Variants in DCAF6 observed in about 807,000 individuals in gnomAD.
DCAF6 encodes DDB1- and CUL4-associated factor 6.
Under a neutral mutation model 125.1 loss-of-function variants are expected in DCAF6, and 54 were observed. That is an observed-to-expected ratio of 0.43 (90% CI 0.35 to 0.54). DCAF6 has a LOEUF of 0.54. Among genes scored for constraint, DCAF6 ranks in the 20% least tolerant of loss-of-function variants. The pLI, the probability that DCAF6 is intolerant of heterozygous loss-of-function variation, is 0.01. For synonymous variants in DCAF6, 371 were observed against 390.4 expected, an observed-to-expected ratio of 0.95 and a Z score of 0.58; for missense variants, 934 against 1,161.7, an observed-to-expected ratio of 0.80 and a Z score of 2.85.
chr1:168,054,545 A>C (rs937466569), intron 17 of DCAF6, among the ~76,000 whole-genome samples: 1 of 152,222 alleles, frequency 6.6e-6, no homozygotes, highest in Non-Finnish European at 1.5e-5. Flanking sequence ...ACCATAGCAC[A>C]TAGCTTTTAC....
chr1:167,905,052 G>C, the DCAF6 span: 1 of 1,614,214 alleles, frequency 6.2e-7, no homozygotes, highest in Non-Finnish European at 8.5e-7. Context: ...TCGCTCTGGG[G>C]AGAAATGTCC....
chr1:167,959,977 G>A (rs1675322413), intron 2 of DCAF6, among the ~76,000 whole-genome samples: 2 of 151,944 alleles, frequency 1.3e-5, no homozygotes, highest in South Asian at 4.2e-4. Context: ...TCTTCTCAGA[G>A]GTTTATAGTT....
chr1:168,031,724 A>G (rs533896525), intron 12 of DCAF6, among the ~76,000 whole-genome samples: 2 of 152,080 alleles, frequency 1.3e-5, no homozygotes, highest in Admixed American at 6.5e-5. Flanking sequence ...GTAAAGGAGA[A>G]TATACCTGAG....
chr1:167,881,474 G>A, the DCAF6 span, among the ~76,000 whole-genome samples: 10 of 152,316 alleles, frequency 6.6e-5, no homozygotes, highest in Middle Eastern at 3.4e-3. Context: ...GATCTGCCTT[G>A]ACATGAAGGG....
At chr1:167,906,378 G>A in the DCAF6 span, among the ~76,000 whole-genome samples, 1 of 151,476 alleles carries the variant, frequency 6.6e-6, no homozygotes, top group African/African-American at 2.4e-5. Flanking sequence ...AAAAAAAAAG[G>A]GTAGCATTAA....
chr1:167,922,889 G>A, the DCAF6 span, among the ~76,000 whole-genome samples: 2 of 152,038 alleles, frequency 1.3e-5, no homozygotes, highest in Non-Finnish European at 2.9e-5. Context: ...ACAGGCAAAG[G>A]ACTTGAATAA....
At chr1:167,914,308 G>C in the DCAF6 span, 12 of 152,152 alleles carry the variant, frequency 7.9e-5, no homozygotes, top group Non-Finnish European at 2.9e-5. Flanking sequence ...TTGAGGCAAG[G>C]GTCAGGGGAG....
the DCAF6 span, among the ~76,000 whole-genome samples, chr1:167,924,279 T>C: frequency 2.6e-3 from 390 of 152,302 alleles, 2 homozygotes; most frequent in African/African-American, 8.5e-3. Context: ...ATAACAAGTA[T>C]GTTCCCAGAA....
the DCAF6 span, among the ~76,000 whole-genome samples, chr1:167,877,694 A>T: frequency 6.6e-6 from 1 of 152,322 alleles, no homozygotes; most frequent in Middle Eastern, 3.4e-3. Flanking sequence ...TATAGGAGGA[A>T]AAAAGGAAGA....
the DCAF6 span, among the ~76,000 whole-genome samples, chr1:167,911,469 T>G: frequency 1.3e-5 from 2 of 152,218 alleles, no homozygotes; most frequent in Admixed American, 1.3e-4. Flanking sequence ...TTTAAAAGTA[T>G]TTTTACTTTT....
At chr1:167,985,065 A>G (rs1679752117) in intron 4 of DCAF6, among the ~76,000 whole-genome samples, 2 of 152,174 alleles carry the variant, frequency 1.3e-5, no homozygotes, top group African/African-American at 2.4e-5. Flanking sequence ...CTTATGCACC[A>G]TCACAAGAAC....
intron 16 of DCAF6, among the ~76,000 whole-genome samples, chr1:168,049,427 TGTTG>T (rs796769231): frequency 3.8e-4 from 33 of 87,590 alleles, no homozygotes; most frequent in African/African-American, 1.8e-3. Flanking sequence ...TTGTTGTTGT[TGTTG>T]TTTTTTTTTT....
At chr1:167,947,639 G>A (rs1349876097) in intron 1 of DCAF6, among the ~76,000 whole-genome samples, 1 of 151,958 alleles carries the variant, frequency 6.6e-6, no homozygotes, top group Non-Finnish European at 1.5e-5. Flanking sequence ...TGTCATTCAG[G>A]AGCATGTTGT....
At chr1:167,985,744 A>C (rs546055090) in intron 4 of DCAF6, among the ~76,000 whole-genome samples, 2 of 152,276 alleles carry the variant, frequency 1.3e-5, no homozygotes, top group South Asian at 2.1e-4. Flanking sequence ...TTTCCAAGTA[A>C]ATTTTTAAAA....
rs1212983806 is a variant in DCAF6 at position 168,023,056 on chromosome 1, A to C, written c.1609+9A>C. On this transcript the variant is annotated intron_variant, in intron 12 of 21. Coordinates refer to ENST00000367840, the MANE Select transcript of DCAF6 (RefSeq NM_001198956.2). Reference sequence around the variant, plus strand: ...ACTTGACGAGCAACAGGGTGCGTGCAACAGGAGATGCGCTATGCCCATCCA... The same window carrying C: ...ACTTGACGAGCAACAGGGTGCGTGCCACAGGAGATGCGCTATGCCCATCCA... 5 of 1,614,080 alleles carry C rather than the reference A, an allele frequency of 3.1e-6. No homozygotes were observed. The highest frequency in any genetic ancestry group is 1.6e-4 in the Middle Eastern group (1 of 6,062).
intron 1 of DCAF6, among the ~76,000 whole-genome samples, chr1:167,944,311 C>T (rs567109544): frequency 6.6e-6 from 1 of 152,200 alleles, no homozygotes; most frequent in East Asian, 1.9e-4. Context: ...ATATTAATTT[C>T]TTTTCTTTTT....
At chr1:167,864,027 C>T in the DCAF6 span, among the ~76,000 whole-genome samples, 1 of 152,206 alleles carries the variant, frequency 6.6e-6, no homozygotes, top group Non-Finnish European at 1.5e-5. Context: ...GATCTGATCA[C>T]CCACGGTGTG....
chr1:167,880,223 A>G, the DCAF6 span: 2 of 1,573,826 alleles, frequency 1.3e-6, no homozygotes, highest in Non-Finnish European at 1.7e-6. Context: ...TTGTGGGGAA[A>G]GAAATAAAGA....
chr1:168,057,905 C>T (rs1023765325), intron 17 of DCAF6, among the ~76,000 whole-genome samples: 1 of 152,202 alleles, frequency 6.6e-6, no homozygotes, highest in Non-Finnish European at 1.5e-5. Context: ...CTAAAAAACT[C>T]GCTGTAACTT....
Sources: gnomAD v4.1 joint callset for allele counts (sites outside exome capture counted in the v4.1 genomes callset) on GRCh38, gnomAD v4.1.1 for gene constraint, MANE v1.5 for transcripts, NCBI Gene and HGNC (gene_info 2026-07-23, HGNC 2026-07-21) for gene names.